The following CHN1 variants were observed in gnomAD, a reference collection of about 807,000 sequenced individuals.
CHN1 encodes the protein chimerin 1.
A neutral mutation model predicts 59.5 loss-of-function variants in CHN1; 37 were observed. That is an observed-to-expected ratio of 0.62 (90% CI 0.48 to 0.82). The LOEUF is 0.82. Among genes scored for constraint, CHN1 ranks in the 40% least tolerant of loss-of-function variants. CHN1 has a pLI of 0.00. For missense variants in CHN1, 469 were observed against 571.0 expected (o/e 0.82, Z 1.82); for synonymous variants, 206 against 200.4 (o/e 1.03, Z -0.24).
At chr2:174,870,257 C>T (rs1275296836) in intron 6 of CHN1, among the ~76,000 whole-genome samples, 1 of 152,080 alleles carries the variant, frequency 6.6e-6, no homozygotes, top group Non-Finnish European at 1.5e-5. Context: ...ATTATAGCTG[C>T]CTATAATTTC....
chr2:174,987,311 AAG>A lies in CHN1; in HGVS notation c.19+17581_19+17582del, dbSNP rs1299086039. 2.6e-5 allele frequency among the ~76,000 whole-genome samples: 4 copies of A among 152,290 alleles called. No homozygotes were observed. The East Asian group carries it at 7.7e-4, about 29-fold the overall frequency. On this transcript the variant is annotated intron_variant, in intron 1 of 12. Coordinates refer to ENST00000409900, the MANE Select transcript of CHN1 (RefSeq NM_001822.7). ...GGTTTTATTATTTCACATAGCAAGA[AAG>A]AGGAAATATTAACATTCTAGATTTA...
chr2:174,891,683 T>C (rs1002184436), intron 5 of CHN1, among the ~76,000 whole-genome samples: 2 of 150,566 alleles, frequency 1.3e-5, no homozygotes, highest in African/African-American at 4.9e-5. Flanking sequence ...AAAAGAAAGA[T>C]CTCAATCAAA....
chr2:174,896,815 G>A (rs1688231341), intron 5 of CHN1, among the ~76,000 whole-genome samples: 2 of 152,060 alleles, frequency 1.3e-5, no homozygotes, highest in South Asian at 4.1e-4. Flanking sequence ...ACTTAATTCT[G>A]TTTATCAACA....
chr2:174,872,624 T>C (rs1687444401), intron 6 of CHN1, among the ~76,000 whole-genome samples: 1 of 152,214 alleles, frequency 6.6e-6, no homozygotes, highest in Non-Finnish European at 1.5e-5. Context: ...GATAGAGCTA[T>C]CACCATATTA....
intron 5 of CHN1, among the ~76,000 whole-genome samples, chr2:174,905,072 T>G (rs1048187785): frequency 2.0e-5 from 3 of 152,152 alleles, no homozygotes; most frequent in Non-Finnish European, 4.4e-5. Flanking sequence ...AGAGTAAAGA[T>G]TTGGAAATGT....
At chr2:174,911,060 A>G (rs1314075335) in intron 5 of CHN1, among the ~76,000 whole-genome samples, 1 of 152,190 alleles carries the variant, frequency 6.6e-6, no homozygotes, top group Non-Finnish European at 1.5e-5. Flanking sequence ...ATAACATAGT[A>G]TTTGACATTA....
chr2:174,985,362 TTTAA>T (rs1276737213), intron 1 of CHN1, among the ~76,000 whole-genome samples: 4 of 152,206 alleles, frequency 2.6e-5, no homozygotes, highest in African/African-American at 9.6e-5. Flanking sequence ...AGAAGCCTAA[TTTAA>T]TTAACACTGT....
intron 5 of CHN1, among the ~76,000 whole-genome samples, chr2:174,899,389 T>C (rs1437270806): frequency 6.6e-6 from 1 of 152,244 alleles, no homozygotes; most frequent in Non-Finnish European, 1.5e-5. Context: ...AGTATATATG[T>C]CAACTCTAGA....
intron 8 of CHN1, among the ~76,000 whole-genome samples, chr2:174,816,795 G>A (rs1685282211): frequency 6.6e-6 from 1 of 152,110 alleles, no homozygotes; most frequent in Admixed American, 6.5e-5. Context: ...AGAACTGGAA[G>A]AACTCTTATA....
chr2:174,984,428 G>C (rs1308631652), intron 1 of CHN1, among the ~76,000 whole-genome samples: 1 of 148,794 alleles, frequency 6.7e-6, no homozygotes, highest in Admixed American at 6.7e-5. Flanking sequence ...GAGTGCAGTG[G>C]CGCGATCCTG....
At chr2:174,917,802 T>C (rs1688889551) in intron 4 of CHN1, among the ~76,000 whole-genome samples, 1 of 152,146 alleles carries the variant, frequency 6.6e-6, no homozygotes, top group Admixed American at 6.5e-5. Flanking sequence ...TTATCTGATA[T>C]GATCTCCAGT....
intron 7 of CHN1, among the ~76,000 whole-genome samples, chr2:174,839,688 C>T (rs2105424183): frequency 6.6e-6 from 1 of 151,788 alleles, no homozygotes; most frequent in Non-Finnish European, 1.5e-5. Context: ...ACAGCAGCCT[C>T]GATTTCCTGG....
In CHN1 at chr2:174,946,783, G is replaced by A. The variant is rs58455705; in HGVS notation, c.59-1840C>T. Among the ~76,000 whole-genome samples the A allele has an allele frequency of 9.3e-3, 1,416 of 151,498 alleles. 24 individuals are homozygous for A. The highest frequency in any genetic ancestry group is 0.032 in the African/African-American group (1,332 of 41,254). ...TGTAAGAAAGAAGGATTCTTCAAGG[G>A]CCAGGCACAGTGGCTCACACTTGTA... On this transcript the variant is annotated intron_variant, in intron 2 of 12. Transcript: ENST00000409900.
chr2:174,983,970 T>C (rs1691249481), intron 1 of CHN1, among the ~76,000 whole-genome samples: 1 of 152,154 alleles, frequency 6.6e-6, no homozygotes. Context: ...AAAGTCAGTT[T>C]GAGCTATTTA....
At chr2:174,819,257 T>C (rs1427947401) in intron 8 of CHN1, among the ~76,000 whole-genome samples, 1 of 152,194 alleles carries the variant, frequency 6.6e-6, no homozygotes, top group Non-Finnish European at 1.5e-5. Flanking sequence ...ATAAAAAACA[T>C]TACTTCCACT....
chr2:174,858,837 A>T (rs1021237845), intron 6 of CHN1, among the ~76,000 whole-genome samples: 4 of 152,062 alleles, frequency 2.6e-5, no homozygotes, highest in African/African-American at 2.4e-5. Flanking sequence ...ACATGTGGTC[A>T]GTATGTTAGA....
intron 8 of CHN1, among the ~76,000 whole-genome samples, chr2:174,822,107 T>C (rs941927460): frequency 2.6e-5 from 4 of 152,194 alleles, no homozygotes; most frequent in African/African-American, 4.8e-5. Context: ...TTAGTTGTCA[T>C]AGAAAACAGA....
intron 6 of CHN1, among the ~76,000 whole-genome samples, chr2:174,848,986 A>G (rs891286557): frequency 6.6e-6 from 1 of 152,198 alleles, no homozygotes. Flanking sequence ...CTCTTTAGAC[A>G]TGTACAGCCT....
In CHN1 at chr2:174,829,968, T is replaced by C. The variant is rs150792578; in HGVS notation, c.628-5450A>G. Among the ~76,000 whole-genome samples, 1,190 of 152,292 alleles carry C rather than the reference T, an allele frequency of 7.8e-3. 13 individuals carry two copies. The highest frequency in any genetic ancestry group is 0.027 in the African/African-American group (1,136 of 41,554). On this transcript the variant is annotated intron_variant, in intron 7 of 12. Transcript: ENST00000409900. The stretch of plus-strand genomic sequence containing the variant: ...CTTAAACTTTTTGGTCCATATGATA[T>C]GGAATTTAGAAATCAAACCCTAATT...
Sources: gnomAD v4.1 joint callset for allele counts (sites outside exome capture counted in the v4.1 genomes callset) on GRCh38, gnomAD v4.1.1 for gene constraint, MANE v1.5 for transcripts, NCBI Gene and HGNC (gene_info 2026-07-23, HGNC 2026-07-21) for gene names.